MSRA: variants seen among roughly 807,000 people sequenced by gnomAD.
MSRA encodes the protein mitochondrial peptide methionine sulfoxide reductase.
Under a neutral mutation model 31.3 loss-of-function variants are expected in MSRA, and 54 were observed. The ratio of observed to expected loss-of-function variants is 1.73; its 90% CI spans 1.39 to 2.17. The LOEUF (loss-of-function observed/expected upper bound fraction) is 2.17. Ranked by LOEUF, MSRA falls within the 30% of genes most tolerant of loss-of-function variation. The pLI is 0.00. For synonymous variants in MSRA, 169 were observed against 116.5 expected (o/e 1.45, Z -2.90); for missense variants, 507 against 300.9 (o/e 1.69, Z -5.07).
intron 1 of MSRA, among the ~76,000 whole-genome samples, chr8:10,057,614 G>A (rs1002601455): frequency 1.1e-4 from 16 of 152,188 alleles, no homozygotes; most frequent in African/African-American, 3.9e-4. Context: ...CCTGGTGAGA[G>A]GTGATTGAAA....
intron 1 of MSRA, among the ~76,000 whole-genome samples, chr8:10,178,598 A>G (rs766297147): frequency 1.2e-4 from 19 of 152,220 alleles, no homozygotes; most frequent in African/African-American, 2.4e-5. Flanking sequence ...AGAAAAATGA[A>G]AATTCACCTT....
At chr8:10,375,655 G>A (rs1383333375) in intron 5 of MSRA, among the ~76,000 whole-genome samples, 2 of 152,286 alleles carry the variant, frequency 1.3e-5, no homozygotes, top group South Asian at 2.1e-4. Flanking sequence ...CAGTTCCTGG[G>A]TAAATAATGA....
At chr8:10,351,176 G>T (rs1324616544) in intron 5 of MSRA, among the ~76,000 whole-genome samples, 1 of 146,478 alleles carries the variant, frequency 6.8e-6, no homozygotes, top group East Asian at 2.1e-4. Flanking sequence ...CCATTCGAGT[G>T]AAAATTCATC....
chr8:10,084,312 G>C (rs1361553298), intron 1 of MSRA, among the ~76,000 whole-genome samples: 1 of 152,256 alleles, frequency 6.6e-6, no homozygotes, highest in African/African-American at 2.4e-5. Flanking sequence ...CAGGGGCCCA[G>C]CTCCTGCTTT....
chr8:10,403,377 C>G (rs1042933880), intron 5 of MSRA, among the ~76,000 whole-genome samples: 14 of 152,148 alleles, frequency 9.2e-5, no homozygotes, highest in Admixed American at 9.2e-4. Flanking sequence ...TTACCTAGCT[C>G]CACATGCTCA....
intron 3 of MSRA, among the ~76,000 whole-genome samples, chr8:10,288,931 C>T (rs770024897): frequency 1.3e-5 from 2 of 151,548 alleles, no homozygotes; most frequent in African/African-American, 2.4e-5. Flanking sequence ...AAAAATGGTG[C>T]AAGCAGCCAC....
chr8:10,220,767 T>G (rs1212669373), intron 2 of MSRA, among the ~76,000 whole-genome samples: 1 of 152,222 alleles, frequency 6.6e-6, no homozygotes, highest in Non-Finnish European at 1.5e-5. Flanking sequence ...TTCACCAGCA[T>G]TCTGTTTCCT....
At chr8:10,067,430 T>C (rs769358417) in intron 1 of MSRA, among the ~76,000 whole-genome samples, 10 of 152,222 alleles carry the variant, frequency 6.6e-5, no homozygotes, top group Non-Finnish European at 1.5e-4. Context: ...TGAATAAATA[T>C]GTGCATCACT....
intron 2 of MSRA, among the ~76,000 whole-genome samples, chr8:10,214,091 C>T (rs972015807): frequency 6.6e-6 from 1 of 152,296 alleles, no homozygotes; most frequent in East Asian, 1.9e-4. Flanking sequence ...GGGTCAGATT[C>T]TCTGAAGATT....
intron 1 of MSRA, among the ~76,000 whole-genome samples, chr8:10,082,290 C>G (rs951006029): frequency 1.3e-5 from 2 of 152,092 alleles, no homozygotes; most frequent in African/African-American, 4.8e-5. Flanking sequence ...CCTAGACTTT[C>G]CTGAAGACTG....
intron 5 of MSRA, among the ~76,000 whole-genome samples, chr8:10,414,023 C>T (rs1025029731): frequency 6.6e-6 from 1 of 152,022 alleles, no homozygotes; most frequent in Non-Finnish European, 1.5e-5. Context: ...TAAAACTAGC[C>T]AGGTGTGGTG....
intron 1 of MSRA, among the ~76,000 whole-genome samples, chr8:10,180,292 G>A (rs745625718): frequency 1.3e-5 from 2 of 152,230 alleles, no homozygotes; most frequent in African/African-American, 2.4e-5. Flanking sequence ...CCCAATGGAA[G>A]AGGTGCATAG....
At chr8:10,417,689 A>G (rs2129192815) in intron 5 of MSRA, among the ~76,000 whole-genome samples, 1 of 149,724 alleles carries the variant, frequency 6.7e-6, no homozygotes, top group East Asian at 2.0e-4. Flanking sequence ...TATTTGGTCA[A>G]CCTGTGCTCC....
At chr8:10,063,126 A>G (rs747776703) in intron 1 of MSRA, among the ~76,000 whole-genome samples, 5 of 152,112 alleles carry the variant, frequency 3.3e-5, no homozygotes, top group Non-Finnish European at 7.4e-5. Flanking sequence ...AAGATTGACT[A>G]CATATTTTAA....
intron 5 of MSRA, among the ~76,000 whole-genome samples, chr8:10,386,974 A>G (rs1324204646): frequency 2.0e-5 from 3 of 152,140 alleles, no homozygotes; most frequent in African/African-American, 2.4e-5. Context: ...GTGCCTGTCA[A>G]ATATTGATGT....
intron 3 of MSRA, among the ~76,000 whole-genome samples, chr8:10,297,309 G>A (rs1263096628): frequency 6.6e-6 from 1 of 152,146 alleles, no homozygotes; most frequent in Non-Finnish European, 1.5e-5. Context: ...TGCTTAGAGA[G>A]GACATCATCC....
chr8:10,364,354 C>T (rs901311215), intron 5 of MSRA, among the ~76,000 whole-genome samples: 5 of 152,186 alleles, frequency 3.3e-5, no homozygotes, highest in Admixed American at 6.5e-5. Flanking sequence ...TCACAGCACC[C>T]TGACTGCAAG....
At chr8:10,365,420 C>T (rs747079469) in intron 5 of MSRA, among the ~76,000 whole-genome samples, 7 of 152,154 alleles carry the variant, frequency 4.6e-5, no homozygotes, top group Non-Finnish European at 8.8e-5. Flanking sequence ...CTTAAAATAA[C>T]GCCTCCGGAA....
chr8:10,175,582 T>C (rs1585096453), intron 1 of MSRA, among the ~76,000 whole-genome samples: 1 of 152,254 alleles, frequency 6.6e-6, no homozygotes, highest in East Asian at 1.9e-4. Flanking sequence ...CTATCTTGAA[T>C]ATCTCATTAA....
Sources: gnomAD v4.1 joint callset for allele counts (sites outside exome capture counted in the v4.1 genomes callset) on GRCh38, gnomAD v4.1.1 for gene constraint, MANE v1.5 for transcripts, NCBI Gene and HGNC (gene_info 2026-07-23, HGNC 2026-07-21) for gene names.